The following NFASC variants were observed in gnomAD, a reference collection of about 807,000 sequenced individuals.
NFASC encodes the protein neurofascin homolog.
Under a neutral mutation model 147.5 loss-of-function variants are expected in NFASC, and 43 were observed. The observed-to-expected ratio is 0.29, with a 90% CI of 0.23 to 0.38. The LOEUF is 0.38. Among genes scored for constraint, NFASC ranks in the 10% least tolerant of loss-of-function variants. The pLI is 1.00. For synonymous variants in NFASC, 622 were observed against 665.5 expected (o/e 0.93, Z 1.01); for missense variants, 1,320 against 1,689.0 (o/e 0.78, Z 3.83).
chr1:204,918,584 C>CTTTTT (rs71147720), intron 1 of NFASC, among the ~76,000 whole-genome samples: 3 of 124,832 alleles, frequency 2.4e-5, no homozygotes, highest in South Asian at 2.6e-4. Context: ...TTCTTTGAAA[C>CTTTTT]TTTTTTTTTT....
At chr1:204,978,883 G>A (rs187982559) in intron 17 of NFASC, 85 bp from the exon 18 acceptor site, 94 of 1,076,892 alleles carry the variant, frequency 8.7e-5, no homozygotes, top group East Asian at 6.8e-4. Context: ...AAGACAGCCC[G>A]TCAGGGAGCT....
chr1:204,864,043 C>T (rs2076918300), intron 1 of NFASC, among the ~76,000 whole-genome samples: 1 of 152,102 alleles, frequency 6.6e-6, no homozygotes, highest in African/African-American at 2.4e-5. Context: ...CTCCTCCCAG[C>T]CTTTGGTAAT....
rs1247889758 is a variant in NFASC at position 204,968,691 on chromosome 1, C to T, written c.819-107C>T. On this transcript the variant is annotated intron_variant, in intron 9 of 29. Coordinates refer to ENST00000339876, the MANE Select transcript of NFASC (RefSeq NM_001005388.3). This position sits in a 1 kb window ranked among gnomAD's most constrained non-coding sequence, Gnocchi z 5.4. ...TCAGCTTTTAGAGGACATGCATCCT[C>T]CTGGGCCCAAGTATACTTTTAGGCC... 6.1e-6 allele frequency: 6 copies of T among 982,330 alleles called. No individual in the cohort carries two copies. Among genetic ancestry groups the T allele is most frequent in the Non-Finnish European group, 9.0e-6 (6 of 670,028 alleles). The allele number at this position is 982,330 out of a possible 1,614,324, so 60.9% of individuals were successfully genotyped here.
rs376460751 is a variant in NFASC at position 204,997,211 on chromosome 1, G to T, written c.2824G>T (p.Ala942Ser). 2.5e-6 allele frequency: 4 copies of T among 1,613,768 alleles called. No homozygotes were observed. In the Admixed American group the frequency reaches 5.0e-5, roughly 20 times the overall value. Residue 942 changes from alanine (A) to serine (S), a missense_variant, in exon 25 of 30, where the codon GCT becomes TCT. This residue lies in a region of NFASC where 981 missense variants were observed against 1,289.5 expected (regional missense o/e 0.76). Coordinates refer to ENST00000339876, the MANE Select transcript of NFASC (RefSeq NM_001005388.3). ...CCCGACTACCGTGGGTGCGACGGGC[G>T]CTGTGAGCAGTACCGATGCTACTGC... ...LPPTTVGATG[A>S]VSSTDATAIA...
intron 13 of NFASC, 67 bp downstream of exon 13, chr1:204,974,357 GC>G: frequency 8.0e-7 from 1 of 1,247,434 alleles, no homozygotes; most frequent in Non-Finnish European, 1.2e-6. Context: ...TTCCCATCTG[GC>G]CCATAGTAGG....
In NFASC at chr1:204,867,822, C is replaced by A. The variant is rs185270861; in HGVS notation, c.-200+39040C>A. The stretch of plus-strand genomic sequence containing the variant: ...AAGCAGAGACAGAGACAGGCCCTGG[C>A]GGGTACCGACTCAGCCCATGGCTGC... On this transcript the variant is annotated intron_variant, in intron 1 of 29. Coordinates refer to ENST00000339876, the MANE Select transcript of NFASC (RefSeq NM_001005388.3). Among the ~76,000 whole-genome samples, 117 of 152,264 alleles carry A rather than the reference C, an allele frequency of 7.7e-4. 1 individual carries two copies. Among genetic ancestry groups the A allele is most frequent in the South Asian group, 3.9e-3 (19 of 4,816 alleles).
At chr1:204,851,548 T>C (rs1572038323) in intron 1 of NFASC, among the ~76,000 whole-genome samples, 1 of 151,970 alleles carries the variant, frequency 6.6e-6, no homozygotes, top group Non-Finnish European at 1.5e-5. Flanking sequence ...GGCCAGGCTG[T>C]TCTCAAACTC....
chr1:205,015,416 A>G lies in NFASC; in HGVS notation c.3492-892A>G, dbSNP rs74138694. On this transcript the variant is annotated intron_variant, in intron 29 of 29. Coordinates refer to ENST00000339876, the MANE Select transcript of NFASC (RefSeq NM_001005388.3). The surrounding 1 kb of genome is among the most constrained non-coding windows in gnomAD (Gnocchi z 4.0). The stretch of plus-strand genomic sequence containing the variant: ...TCCCCACTCTGAGCCTTTCCAGCCA[A>G]GGGAAGGGACATGGTGCCTGAACAG... 0.014 allele frequency among the ~76,000 whole-genome samples: 2,191 copies of G among 152,270 alleles called. 57 individuals carry two copies. The highest frequency in any genetic ancestry group is 0.05 in the African/African-American group (2,087 of 41,552).
rs1245437427 is a variant in NFASC at position 205,021,352 on chromosome 1, G to A, written c.*4813G>A. 1.3e-5 allele frequency: 2 copies of A among 152,648 alleles called. No homozygotes were observed. Among genetic ancestry groups the A allele is most frequent in the Admixed American group, 1.3e-4 (2 of 15,280 alleles). 9.5% of individuals were successfully genotyped at this position (152,648 alleles called of 1,614,324 possible). A position where few individuals can be genotyped will look rare whatever the true frequency, so the allele number is the denominator to read the frequency against. On this transcript the variant is annotated 3_prime_UTR_variant, in exon 30 of 30. Transcript: ENST00000339876. ...GAGAGCCACAAGCGTCCACCAAACA[G>A]TGTCTCAGGCCTCACCTGAAGCTGC... is the stretch of plus-strand genomic sequence containing the variant.
chr1:204,956,554 C>A (rs936377056), intron 7 of NFASC, among the ~76,000 whole-genome samples: 1 of 152,238 alleles, frequency 6.6e-6, no homozygotes, highest in Admixed American at 6.5e-5. Flanking sequence ...CCCCTTCTAA[C>A]TGGTGTGTTC....
chr1:204,901,537 C>T (rs1384828586), intron 1 of NFASC, among the ~76,000 whole-genome samples: 1 of 151,928 alleles, frequency 6.6e-6, no homozygotes, highest in African/African-American at 2.4e-5. Context: ...TCATGGATGA[C>T]CTTGACAAAA....
At chr1:205,003,774 C>T (rs566988746) in intron 27 of NFASC, among the ~76,000 whole-genome samples, 5 of 152,312 alleles carry the variant, frequency 3.3e-5, no homozygotes, top group East Asian at 3.9e-4. Context: ...CCTGGCCTGG[C>T]GAGGCTGATC....
intron 2 of NFASC, among the ~76,000 whole-genome samples, chr1:204,927,726 C>G (rs1212025539): frequency 6.6e-6 from 1 of 152,160 alleles, no homozygotes; most frequent in Non-Finnish European, 1.5e-5. Context: ...TCCCTCTGAC[C>G]ACTCTTCTTT....
At chr1:205,006,968 G>A (rs1394600353) in intron 27 of NFASC, among the ~76,000 whole-genome samples, 2 of 73,140 alleles carry the variant, frequency 2.7e-5, no homozygotes, top group Non-Finnish European at 1.1e-4. Flanking sequence ...AGGAGGTGGA[G>A]GTCAGCTTGG....
chr1:205,005,461 G>A (rs923407739), intron 27 of NFASC, among the ~76,000 whole-genome samples: 2 of 152,150 alleles, frequency 1.3e-5, no homozygotes, highest in Non-Finnish European at 2.9e-5. Flanking sequence ...CGTGGGGGCC[G>A]GACGAGAGGA....
At chr1:204,933,519 A>G (rs1419310078) in intron 2 of NFASC, among the ~76,000 whole-genome samples, 1 of 152,170 alleles carries the variant, frequency 6.6e-6, no homozygotes, top group East Asian at 1.9e-4. Context: ...CGGCCATGGG[A>G]TCAGTGTCAC....
At position 205,018,074 on chromosome 1, in the gene NFASC, C is replaced by T. The variant is rs139390612; in HGVS notation, c.*1535C>T. 14 of 152,940 alleles carry T rather than the reference C, an allele frequency of 9.2e-5. No individual in the cohort carries two copies. The highest frequency in any genetic ancestry group is 5.9e-4 in the Admixed American group (9 of 15,310). 9.5% of individuals were successfully genotyped at this position (152,940 alleles called of 1,614,324 possible). On this transcript the variant is annotated 3_prime_UTR_variant, in exon 30 of 30. Coordinates refer to ENST00000339876, the MANE Select transcript of NFASC (RefSeq NM_001005388.3). ...ACTCGCAGACCTGCAGTTCTCAGAC[C>T]GAAGGTGCTGCCTTCATCCTCCCCA...
chr1:205,003,314 A>AT (rs1200379967), intron 27 of NFASC, among the ~76,000 whole-genome samples: 4 of 152,154 alleles, frequency 2.6e-5, no homozygotes, highest in Non-Finnish European at 4.4e-5. Context: ...AAAGTAGGTG[A>AT]TTTTTTGTCA....
chr1:204,964,668 A>G (rs1434868153), intron 8 of NFASC, among the ~76,000 whole-genome samples: 1 of 152,182 alleles, frequency 6.6e-6, no homozygotes, highest in Non-Finnish European at 1.5e-5. Context: ...TCCTAGAGCA[A>G]GAGAGGTGAA....
Sources: allele counts gnomAD v4.1 joint callset (sites outside exome capture counted in the v4.1 genomes callset), GRCh38; gene constraint gnomAD v4.1.1; regional missense constraint gnomAD v4.1.1; non-coding constraint Gnocchi (gnomAD v3.1); transcripts MANE v1.5; gene names NCBI Gene and HGNC (gene_info 2026-07-23, HGNC 2026-07-21).